Variants in ERBIN observed in about 807,000 individuals in gnomAD.
ERBIN encodes the protein erbb2 interacting protein.
ERBIN carries 60 observed loss-of-function variants against 158.4 expected under a neutral mutation model. The observed-to-expected ratio is 0.38, with a 90% CI of 0.31 to 0.47. ERBIN has a LOEUF of 0.47. Among genes scored for constraint, ERBIN ranks in the 20% least tolerant of loss-of-function variants. ERBIN has a pLI of 0.99. For missense variants in ERBIN, 1,610 were observed against 1,648.0 expected (o/e 0.98, Z 0.40); for synonymous variants, 594 against 557.2 (o/e 1.07, Z -0.93).
intron 18 of ERBIN, among the ~76,000 whole-genome samples, 188 bp from the exon 19 acceptor site, chr5:66,048,479 A>G (rs555695652): frequency 1.3e-5 from 2 of 152,144 alleles, no homozygotes; most frequent in African/African-American, 4.8e-5. Flanking sequence ...TGGTGCCATG[A>G]AAAGGATAGA....
At chr5:65,948,557 G>A (rs1746088496) in intron 1 of ERBIN, among the ~76,000 whole-genome samples, 2 of 152,068 alleles carry the variant, frequency 1.3e-5, no homozygotes, top group Non-Finnish European at 2.9e-5. Flanking sequence ...ATATGTGAGG[G>A]TAGGCTAATG....
chr5:66,004,329 G>T (rs1189466523), intron 4 of ERBIN, among the ~76,000 whole-genome samples: 1 of 152,114 alleles, frequency 6.6e-6, no homozygotes, highest in East Asian at 1.9e-4. Context: ...AGAACAGATA[G>T]TTGACAGAGA....
chr5:66,036,580 C>T (rs1049680776), intron 14 of ERBIN, among the ~76,000 whole-genome samples: 10 of 152,284 alleles, frequency 6.6e-5, no homozygotes, highest in Admixed American at 6.5e-4. Context: ...ACCCTGTCTA[C>T]CCTGTAATTT....
intron 1 of ERBIN, among the ~76,000 whole-genome samples, chr5:65,949,633 C>T (rs1182252415): frequency 6.6e-6 from 1 of 152,130 alleles, no homozygotes; most frequent in Non-Finnish European, 1.5e-5. Flanking sequence ...AGAAGAACTG[C>T]TAAATAGTCC....
intron 1 of ERBIN, among the ~76,000 whole-genome samples, chr5:65,936,428 A>C (rs1394073380): frequency 6.6e-6 from 1 of 152,102 alleles, no homozygotes; most frequent in East Asian, 1.9e-4. Flanking sequence ...ACTTCAGAAG[A>C]TTTAGTTTAT....
Position 65,935,924 on chromosome 5 carries a change from C to T in ERBIN, c.-58+9118C>T, listed in dbSNP as rs138145059. Among the ~76,000 whole-genome samples, 102 of 152,260 alleles carry T rather than the reference C, an allele frequency of 6.7e-4. 1 individual carries two copies. In the East Asian group the frequency reaches 0.017, roughly 25 times the overall value. On this transcript the variant is annotated intron_variant, in intron 1 of 25. Coordinates refer to ENST00000284037, the MANE Select transcript of ERBIN (RefSeq NM_001253697.2). ...ATTTTTTATAGAGGTAGAGGTCTTA[C>T]TATGTTGCCAGGATTGGTCTCCAGC... is the stretch of plus-strand genomic sequence containing the variant.
intron 4 of ERBIN, 60 bp downstream of exon 4, chr5:65,994,924 T>C: frequency 1.1e-6 from 1 of 943,908 alleles, no homozygotes; most frequent in South Asian, 1.5e-5. Flanking sequence ...TACTAAGATT[T>C]CTATTGAGTT....
intron 14 of ERBIN, among the ~76,000 whole-genome samples, chr5:66,036,137 A>G (rs1047778071): frequency 1.3e-5 from 2 of 152,066 alleles, no homozygotes; most frequent in Non-Finnish European, 2.9e-5. Flanking sequence ...TGTGGTACTC[A>G]TTTTTGTCTT....
intron 1 of ERBIN, among the ~76,000 whole-genome samples, chr5:65,976,679 G>A (rs1376021732): frequency 3.3e-5 from 5 of 151,602 alleles, no homozygotes; most frequent in Non-Finnish European, 7.4e-5. Context: ...CGCAGTGTTT[G>A]TGTCCCTGGG....
intron 20 of ERBIN, among the ~76,000 whole-genome samples, chr5:66,051,978 T>G (rs890140434): frequency 6.6e-6 from 1 of 150,940 alleles, no homozygotes; most frequent in African/African-American, 2.4e-5. Context: ...GCTAAGATGA[T>G]AGATTGCTTG....
chr5:66,025,178 A>G (rs931411823), intron 10 of ERBIN: 9 of 326,282 alleles, frequency 2.8e-5, no homozygotes, highest in Admixed American at 5.1e-5. Flanking sequence ...GTGCCATGAC[A>G]TTGTTTTTAG....
chr5:66,034,405 T>A (rs1380255983), intron 14 of ERBIN, among the ~76,000 whole-genome samples: 1 of 151,962 alleles, frequency 6.6e-6, no homozygotes, highest in Non-Finnish European at 1.5e-5. Flanking sequence ...TTTTCCTGCC[T>A]CAGCCTCTTG....
chr5:65,927,381 G>A (rs537259796), intron 1 of ERBIN, among the ~76,000 whole-genome samples: 35 of 152,126 alleles, frequency 2.3e-4, no homozygotes, highest in Admixed American at 9.2e-4. Context: ...TGTTTTTCAG[G>A]GTGAGTAATA....
intron 20 of ERBIN, among the ~76,000 whole-genome samples, chr5:66,052,247 G>A (rs960221536): frequency 1.3e-5 from 2 of 151,462 alleles, no homozygotes; most frequent in Non-Finnish European, 2.9e-5. Context: ...AAAGTTTAAT[G>A]TGTGGATATT....
In ERBIN at chr5:66,078,649, T is replaced by C. The variant is rs1418468829; in HGVS notation, c.*119T>C. On this transcript the variant is annotated 3_prime_UTR_variant, in exon 26 of 26. Transcript: ENST00000284037. Reference sequence around the variant, plus strand: ...AAGAACTCAAAAAATTATGTTCAAATTTGTACATTAATGAAATAATGGAAC... The same window carrying C: ...AAGAACTCAAAAAATTATGTTCAAACTTGTACATTAATGAAATAATGGAAC... 1.5e-6 allele frequency: 1 copy of C among 671,780 alleles called. No individual in the cohort carries two copies. The highest frequency in any genetic ancestry group is 2.6e-6 in the Non-Finnish European group (1 of 384,208). 41.6% of individuals were successfully genotyped at this position (671,780 alleles called of 1,614,324 possible).
At chr5:66,055,977 T>A (rs1417848035) in intron 21 of ERBIN, among the ~76,000 whole-genome samples, 1 of 152,202 alleles carries the variant, frequency 6.6e-6, no homozygotes, top group Non-Finnish European at 1.5e-5. Context: ...CTATGCATTT[T>A]ATTTCATCTA....
rs533206436 is a variant in ERBIN, at chr5:66,028,398, T to G, written c.1206+55T>G. 7.1e-6 allele frequency: 10 copies of G among 1,406,928 alleles called. No homozygotes were observed. The African/African-American group carries it at 9.9e-5, about 14-fold the overall frequency. The allele number at this position is 1,406,928 out of a possible 1,614,324, so 87.2% of individuals were successfully genotyped here. ...AGTTCTTATTTGTGTTATATAGTTTTGCACTCCGATTTACATAGGGTCATT... is the reference window on the plus strand; with the variant it reads ...AGTTCTTATTTGTGTTATATAGTTTGGCACTCCGATTTACATAGGGTCATT... On this transcript the variant is annotated intron_variant, in intron 14 of 25. Coordinates refer to ENST00000284037, the MANE Select transcript of ERBIN (RefSeq NM_001253697.2).
chr5:66,040,784 C>T (rs568395766), intron 15 of ERBIN, among the ~76,000 whole-genome samples: 19 of 150,984 alleles, frequency 1.3e-4, no homozygotes, highest in Non-Finnish European at 2.2e-4. Flanking sequence ...TGACAGGTAT[C>T]GTGCTAGAGC....
chr5:66,023,371 A>G lies in ERBIN; in HGVS notation c.672+7A>G. The G allele has an allele frequency of 6.3e-7, 1 of 1,587,440 alleles. No individual in the cohort carries two copies. The highest frequency in any genetic ancestry group is 1.1e-5 in the South Asian group (1 of 87,356). On this transcript the variant is annotated splice_region_variant and intron_variant, in intron 9 of 25. Transcript: ENST00000284037. ...ACTGACTTTTATTCCAGGGGTATGT[A>G]TATGAGATTTTAAATGGCATCACTT...
Sources: gnomAD v4.1 joint callset for allele counts (sites outside exome capture counted in the v4.1 genomes callset) on GRCh38, gnomAD v4.1.1 for gene constraint, MANE v1.5 for transcripts, NCBI Gene and HGNC (gene_info 2026-07-23, HGNC 2026-07-21) for gene names.